RBM27: variants seen among roughly 807,000 people sequenced by gnomAD.
The protein encoded by RBM27 is RNA binding motif protein 27, also known as RNA-binding protein 27.
In RBM27, 22 loss-of-function variants were observed where a neutral mutation model predicts 135.3. That is an observed-to-expected ratio of 0.16 (90% CI 0.12 to 0.23). The LOEUF (loss-of-function observed/expected upper bound fraction) is 0.23. Among genes scored for constraint, RBM27 ranks in the 10% least tolerant of loss-of-function variants. The pLI, the probability that RBM27 is intolerant of heterozygous loss-of-function variation, is 1.00. For missense variants in RBM27, 1,009 were observed against 1,281.0 expected (o/e 0.79, Z 3.24); for synonymous variants, 481 against 442.4 (o/e 1.09, Z -1.10).
chr5:146,230,620 C>A, intron 5 of RBM27, 37 bp from the exon 6 acceptor site: 5 of 1,590,714 alleles, frequency 3.1e-6, no homozygotes, highest in Non-Finnish European at 4.3e-6. Flanking sequence ...AATATCTGAT[C>A]TCTTTGTTTT....
intron 1 of RBM27, among the ~76,000 whole-genome samples, chr5:146,217,744 TTTTG>T (rs775930266): frequency 5.3e-5 from 8 of 151,906 alleles, no homozygotes; most frequent in East Asian, 1.9e-4. Context: ...ATTCTGAATT[TTTTG>T]TTTGTTTGTT....
intron 19 of RBM27, among the ~76,000 whole-genome samples, chr5:146,277,863 C>T (rs1022708525): frequency 1.3e-5 from 2 of 151,864 alleles, no homozygotes; most frequent in African/African-American, 4.8e-5. Context: ...GACAGTGCTG[C>T]ACATTGTAAA....
intron 2 of RBM27, among the ~76,000 whole-genome samples, chr5:146,222,511 C>T (rs1756501363): frequency 6.6e-6 from 1 of 151,986 alleles, no homozygotes; most frequent in South Asian, 2.1e-4. Flanking sequence ...TGGTGAAACC[C>T]TGTCTCTACT....
rs545489878 is a variant in RBM27 at position 146,216,807 on chromosome 5, G to A, written c.60-2178G>A. Among the ~76,000 whole-genome samples, 83 of 152,188 alleles carry A rather than the reference G, an allele frequency of 5.5e-4. 1 individual carries two copies. The highest frequency in any genetic ancestry group is 9.4e-4 in the Non-Finnish European group (64 of 67,996). ...TTAGTAGCTGGGAGTACAGGTGTGC[G>A]CCACCATGCCTGGCTAATTTTTATA... is the stretch of plus-strand genomic sequence containing the variant. On this transcript the variant is annotated intron_variant, in intron 1 of 20. Transcript: ENST00000265271.
chr5:146,272,333 A>G (rs1254335137), intron 19 of RBM27, among the ~76,000 whole-genome samples: 2 of 152,228 alleles, frequency 1.3e-5, no homozygotes, highest in East Asian at 1.9e-4. Flanking sequence ...GTCAACCACA[A>G]TCATATAATT....
chr5:146,279,747 G>GGAGTGAACCCAGATA (rs1433642952), intron 19 of RBM27, among the ~76,000 whole-genome samples: 1 of 147,322 alleles, frequency 6.8e-6, no homozygotes, highest in East Asian at 2.1e-4. Flanking sequence ...GGTGGAGGTT[G>GGAGTGAACCCAGATA]GAGTGAACCC....
chr5:146,218,747 C>G (rs1229591565), intron 1 of RBM27, among the ~76,000 whole-genome samples: 2 of 152,068 alleles, frequency 1.3e-5, no homozygotes, highest in Non-Finnish European at 2.9e-5. Flanking sequence ...GCCCAAGATC[C>G]TTGATATATT....
At chr5:146,282,000 CTTTTTTTT>C (rs777368235) in intron 19 of RBM27, among the ~76,000 whole-genome samples, 1 of 101,502 alleles carries the variant, frequency 9.9e-6, no homozygotes, top group African/African-American at 4.0e-5. Flanking sequence ...TATTTTTCAT[CTTTTTTTT>C]TTTTTTTTTT....
intron 1 of RBM27, among the ~76,000 whole-genome samples, chr5:146,206,561 G>A: frequency 6.7e-6 from 1 of 150,278 alleles, no homozygotes; most frequent in East Asian, 1.9e-4. Flanking sequence ...AAAAAAAAAA[G>A]GCTAAAATAC....
At chr5:146,229,585 G>A (rs1216202241) in intron 4 of RBM27, 132 bp from the exon 5 acceptor site, 1 of 682,914 alleles carries the variant, frequency 1.5e-6, no homozygotes, top group Non-Finnish European at 2.4e-6. Flanking sequence ...GGAATTATGT[G>A]GTAGATTTGC....
intron 1 of RBM27, among the ~76,000 whole-genome samples, chr5:146,210,013 C>T (rs1755866306): frequency 6.6e-6 from 1 of 152,172 alleles, no homozygotes; most frequent in Non-Finnish European, 1.5e-5. Flanking sequence ...ACTGTCTTCT[C>T]TTATCCTCTT....
At chr5:146,235,531 G>A (rs1757120532) in intron 7 of RBM27, among the ~76,000 whole-genome samples, 2 of 152,194 alleles carry the variant, frequency 1.3e-5, no homozygotes, top group East Asian at 1.9e-4. Flanking sequence ...ACTGCAGCCT[G>A]GGTGACAGAG....
At chr5:146,214,718 T>G (rs1014822395) in intron 1 of RBM27, among the ~76,000 whole-genome samples, 17 of 152,218 alleles carry the variant, frequency 1.1e-4, no homozygotes, top group African/African-American at 4.1e-4. Context: ...TATTTTAGAC[T>G]TATAATTTTC....
At position 146,254,431 on chromosome 5, in the gene RBM27, A is replaced by AT. The variant is rs66791963; in HGVS notation, c.1445-499dup. ...TATATCTATATTCTGTAATAGGAGC[A>AT]TTTTTTTTTTTTTCAGTTTCAAAAG... On this transcript the variant is annotated intron_variant, in intron 9 of 20. Coordinates refer to ENST00000265271, the MANE Select transcript of RBM27 (RefSeq NM_018989.2). Among the ~76,000 whole-genome samples, 1,317 of 145,636 alleles carry AT rather than the reference A, an allele frequency of 9.0e-3. 10 individuals are homozygous for AT. The highest frequency in any genetic ancestry group is 0.04 in the Middle Eastern group (11 of 274).
Position 146,203,664 on chromosome 5 carries a change from CTG to C in RBM27, c.-101_-100del. ...GAAGTCTCCTAAGATGCCCGGTGGG[CTG>C]GGGCACCGGGAGCTGTGAAGGGAAC... On this transcript the variant is annotated 5_prime_UTR_variant, in exon 1 of 21. It removes the in-frame stop codon of an upstream open reading frame in the 5' UTR. Transcript: ENST00000265271. The C allele has an allele frequency of 9.0e-7, 1 of 1,106,116 alleles. No individual in the cohort carries two copies. The highest frequency in any genetic ancestry group is 1.4e-5 in the South Asian group (1 of 73,158). The allele number at this position is 1,106,116 out of a possible 1,614,324, so 68.5% of individuals were successfully genotyped here.
chr5:146,217,217 T>C (rs1295506356), intron 1 of RBM27, among the ~76,000 whole-genome samples: 1 of 152,134 alleles, frequency 6.6e-6, no homozygotes, highest in African/African-American at 2.4e-5. Flanking sequence ...TCCCCCCGCC[T>C]TGGCCTCCCA....
At chr5:146,235,057 T>TAAATAAATAAAC (rs1398676721) in intron 7 of RBM27, among the ~76,000 whole-genome samples, 9 of 150,814 alleles carry the variant, frequency 6.0e-5, no homozygotes, top group Non-Finnish European at 1.3e-4. Context: ...AATAAATAAA[T>TAAATAAATAAAC]AAATAAATAA....
At chr5:146,267,097 AT>A (rs745695385) in intron 14 of RBM27, among the ~76,000 whole-genome samples, 27 of 152,226 alleles carry the variant, frequency 1.8e-4, no homozygotes, top group Non-Finnish European at 3.4e-4. Flanking sequence ...AATTCAACTT[AT>A]TATTCAGTGA....
At chr5:146,246,753 G>C (rs1162471712) in intron 8 of RBM27, among the ~76,000 whole-genome samples, 1 of 151,984 alleles carries the variant, frequency 6.6e-6, no homozygotes, top group African/African-American at 2.4e-5. Flanking sequence ...AAAGTAGACT[G>C]TGTAATGTAG....
Sources: gnomAD v4.1 joint callset for allele counts (sites outside exome capture counted in the v4.1 genomes callset) on GRCh38, gnomAD v4.1.1 for gene constraint, MANE v1.5 for transcripts, NCBI Gene and HGNC (gene_info 2026-07-23, HGNC 2026-07-21) for gene names.